Variants in DNAH6 observed in about 807,000 individuals in gnomAD.
DNAH6 encodes the protein axonemal beta dynein heavy chain 6.
DNAH6 carries 340 observed loss-of-function variants against 491.4 expected under a neutral mutation model. That is an observed-to-expected ratio of 0.69 (90% CI 0.63 to 0.76). The LOEUF (loss-of-function observed/expected upper bound fraction) is 0.76, where lower values mean the gene tolerates loss of function less well. Ranked by LOEUF, DNAH6 falls within the 30% of genes least tolerant of loss-of-function variation. The probability of loss-of-function intolerance (pLI) is 0.00; values close to 1 mark genes in which losing one functional copy is unlikely to be tolerated. For synonymous variants in DNAH6, 1,603 were observed against 1,686.1 expected (o/e 0.95, Z 1.21); for missense variants, 4,443 against 4,972.2 (o/e 0.89, Z 3.20).
chr2:84,513,314 AT>A, upstream of DNAH6, among the ~76,000 whole-genome samples: 1 of 152,110 alleles, frequency 6.6e-6, no homozygotes, highest in East Asian at 1.9e-4. Flanking sequence ...CCTTCTAAGA[AT>A]TTGTTGTTTC....
chr2:84,529,241 G>C, intron 4 of DNAH6, 75 bp downstream of exon 4: 4 of 1,092,152 alleles, frequency 3.7e-6, no homozygotes, highest in Non-Finnish European at 5.1e-6. Context: ...TAATTGATTG[G>C]ATATTAATAA....
At chr2:84,764,837 C>T (rs561379308) in intron 64 of DNAH6, among the ~76,000 whole-genome samples, 5 of 152,118 alleles carry the variant, frequency 3.3e-5, no homozygotes, top group African/African-American at 7.2e-5. Flanking sequence ...TGATGAGTAC[C>T]TACCTAAGTT....
chr2:84,793,182 ACAC>A (rs1318734294), intron 68 of DNAH6, among the ~76,000 whole-genome samples: 1 of 151,522 alleles, frequency 6.6e-6, no homozygotes, highest in African/African-American at 2.4e-5. Context: ...TGGATGGTGG[ACAC>A]CACCACACAC....
At chr2:84,672,293 T>C (rs1692809586) in intron 39 of DNAH6, 34 bp from the exon 40 acceptor site, 4 of 1,536,748 alleles carry the variant, frequency 2.6e-6, no homozygotes, top group Non-Finnish European at 3.5e-6. Context: ...GGGAAAATCA[T>C]AATTCTTAAA....
chr2:84,761,809 C>CACACAA (rs1178643751), intron 63 of DNAH6, among the ~76,000 whole-genome samples: 91 of 151,906 alleles, frequency 6.0e-4, no homozygotes, highest in African/African-American at 2.1e-3. Flanking sequence ...CACACACACA[C>CACACAA]ACACACACAC....
At chr2:84,569,330 G>A (rs949351404) in intron 11 of DNAH6, among the ~76,000 whole-genome samples, 4 of 152,014 alleles carry the variant, frequency 2.6e-5, no homozygotes, top group African/African-American at 9.7e-5. Context: ...TCAGAAGTAG[G>A]AAGGAAAGGG....
At chr2:84,761,203 T>C (rs554073598) in intron 63 of DNAH6, among the ~76,000 whole-genome samples, 5 of 152,186 alleles carry the variant, frequency 3.3e-5, no homozygotes, top group East Asian at 1.9e-4. Context: ...ACTGTCTTAA[T>C]TGAAACAAGT....
intron 13 of DNAH6, among the ~76,000 whole-genome samples, chr2:84,578,267 T>TA (rs1269598597): frequency 4.0e-5 from 6 of 151,624 alleles, no homozygotes; most frequent in Admixed American, 1.3e-4. Flanking sequence ...CTTCATCTGG[T>TA]AAAAAAAAGA....
chr2:84,727,979 T>C, intron 61 of DNAH6, 77 bp downstream of exon 61: 1 of 926,742 alleles, frequency 1.1e-6, no homozygotes, highest in South Asian at 1.5e-5. Flanking sequence ...GAATTGTAGC[T>C]ACCATAATTC....
In DNAH6 at chr2:84,814,135, T is replaced by C; in HGVS notation, c.12150+13T>C. 6.5e-7 allele frequency: 1 copy of C among 1,549,162 alleles called. No individual in the cohort carries two copies. The highest frequency in any genetic ancestry group is 1.4e-5 in the African/African-American group (1 of 73,106). On this transcript the variant is annotated intron_variant, in intron 75 of 76. Coordinates refer to ENST00000389394, the MANE Select transcript of DNAH6 (RefSeq NM_001370.2). ...CATGGACATGGAGGTATTGTCCACC[T>C]GGCTGTTATGGCAAAGCAGCTTCTA...
chr2:84,791,049 G>A (rs1469417913), intron 68 of DNAH6, among the ~76,000 whole-genome samples: 1 of 152,010 alleles, frequency 6.6e-6, no homozygotes, highest in Non-Finnish European at 1.5e-5. Context: ...AATTAGCTGG[G>A]TGTGGTAGTG....
intron 29 of DNAH6, among the ~76,000 whole-genome samples, chr2:84,633,915 T>C (rs1019568910): frequency 1.3e-5 from 2 of 152,222 alleles, no homozygotes; most frequent in African/African-American, 2.4e-5. Flanking sequence ...ACTAAAGAGA[T>C]AGATATATGG....
At chr2:84,691,262 A>G (rs746868083) in intron 45 of DNAH6, among the ~76,000 whole-genome samples, 8 of 152,266 alleles carry the variant, frequency 5.3e-5, no homozygotes, top group South Asian at 2.1e-4. Flanking sequence ...TCAAACTGCT[A>G]TAAATAATAA....
chr2:84,520,572 T>A (rs1676043704), intron 2 of DNAH6, among the ~76,000 whole-genome samples: 1 of 152,090 alleles, frequency 6.6e-6, no homozygotes, highest in African/African-American at 2.4e-5. Context: ...CTCTCCCTCC[T>A]CACACCCTCC....
At chr2:84,786,447 A>G (rs1677209769) in intron 67 of DNAH6, among the ~76,000 whole-genome samples, 1 of 150,416 alleles carries the variant, frequency 6.6e-6, no homozygotes, top group African/African-American at 2.4e-5. Flanking sequence ...AAAAAAAAAG[A>G]AAAGATGCCA....
chr2:84,548,936 G>A (rs1679062966), intron 8 of DNAH6, among the ~76,000 whole-genome samples: 1 of 152,200 alleles, frequency 6.6e-6, no homozygotes, highest in African/African-American at 2.4e-5. Flanking sequence ...GGGCCTGAAG[G>A]ACTTGCTCCA....
chr2:84,525,971 A>G (rs962160345), intron 3 of DNAH6, among the ~76,000 whole-genome samples: 2 of 152,180 alleles, frequency 1.3e-5, no homozygotes, highest in Admixed American at 6.6e-5. Flanking sequence ...CTTCTTTTGT[A>G]TGATAAAGAA....
intron 58 of DNAH6, among the ~76,000 whole-genome samples, chr2:84,717,354 A>G (rs563149988): frequency 7.4e-4 from 113 of 152,230 alleles, no homozygotes; most frequent in Admixed American, 1.2e-3. Context: ...TTTATATAAT[A>G]ATTTCAAGGT....
chr2:84,736,791 G>C (rs566838865), intron 62 of DNAH6, among the ~76,000 whole-genome samples: 1 of 152,118 alleles, frequency 6.6e-6, no homozygotes, highest in South Asian at 2.1e-4. Flanking sequence ...GAGATCATTT[G>C]ACTTCCTCTT....
Sources: allele counts gnomAD v4.1 joint callset (sites outside exome capture counted in the v4.1 genomes callset), GRCh38; gene constraint gnomAD v4.1.1; transcripts MANE v1.5; gene names NCBI Gene and HGNC (gene_info 2026-07-23, HGNC 2026-07-21).